The following JMJD1C variants were observed in gnomAD, a reference collection of about 807,000 sequenced individuals.
JMJD1C encodes the protein jumonji domain containing 1C.
A neutral mutation model predicts 245.3 loss-of-function variants in JMJD1C; 31 were observed. The observed-to-expected ratio is 0.13, with a 90% CI of 0.09 to 0.17. The LOEUF is 0.17. Ranked by LOEUF, JMJD1C falls within the 10% of genes least tolerant of loss-of-function variation. The pLI, the probability that JMJD1C is intolerant of heterozygous loss-of-function variation, is 1.00. For synonymous variants in JMJD1C, 1,057 were observed against 1,017.4 expected, an observed-to-expected ratio of 1.04 and a Z score of -0.74; for missense variants, 2,691 against 3,000.2, an observed-to-expected ratio of 0.90 and a Z score of 2.41.
intron 2 of JMJD1C, among the ~76,000 whole-genome samples, chr10:63,341,699 A>T (rs1360038629): frequency 2.0e-5 from 3 of 152,210 alleles, no homozygotes; most frequent in Admixed American, 6.5e-5. Flanking sequence ...CCTTCAGCTG[A>T]AATTCTCATT....
chr10:63,427,936 A>G (rs1840470552), intron 1 of JMJD1C: 1 of 710,308 alleles, frequency 1.4e-6, no homozygotes, highest in African/African-American at 1.8e-5. Flanking sequence ...AAGCAGCAGC[A>G]GCAGCAGTTT....
At chr10:63,184,471 T>C in intron 21 of JMJD1C, 137 bp downstream of exon 21, 1 of 687,278 alleles carries the variant, frequency 1.5e-6, no homozygotes, top group Non-Finnish European at 2.3e-6. Flanking sequence ...CTCAATCTCC[T>C]GACCTCGTGA....
intron 1 of JMJD1C, among the ~76,000 whole-genome samples, chr10:63,443,511 A>G (rs552044360): frequency 6.6e-6 from 1 of 152,174 alleles, no homozygotes; most frequent in African/African-American, 2.4e-5. Context: ...GGGTTTTGCT[A>G]TGTTGCCCAG....
Position 63,184,734 on chromosome 10 carries a change from C to T in JMJD1C, c.6835G>A (p.Glu2279Lys), listed in dbSNP as rs1203079978. The change falls in exon 21 of 26, where the codon GAA becomes AAA. Residue 2279 changes from glutamate (E) to lysine (K), a missense_variant. Around this residue, in one of 9 missense-constraint regions of JMJD1C, gnomAD observed 232 missense variants for 416.1 expected, o/e 0.56. Coordinates refer to ENST00000399262, the MANE Select transcript of JMJD1C (RefSeq NM_032776.3). The stretch of plus-strand genomic sequence containing the variant: ...AATGGCAGACTTTTTAAAAGATCTT[C>T]GTATCTGAAGAAAAACAACATTGCC... Reference protein sequence around the residue: ...DFKTMMPARYEDLLKSLPLPE... With the variant: ...DFKTMMPARYKDLLKSLPLPE... 2.5e-6 allele frequency: 4 copies of T among 1,604,390 alleles called. No homozygotes were observed. Among genetic ancestry groups the T allele is most frequent in the South Asian group, 2.3e-5 (2 of 88,850 alleles).
intron 1 of JMJD1C, among the ~76,000 whole-genome samples, chr10:63,513,687 C>T (rs937361756): frequency 6.6e-6 from 1 of 152,042 alleles, no homozygotes; most frequent in South Asian, 2.1e-4. Flanking sequence ...CCGAGACAGG[C>T]GGATCATGAG....
At chr10:63,197,371 A>G (rs771065364) in intron 13 of JMJD1C, 40 bp downstream of exon 13, 10 of 1,540,936 alleles carry the variant, frequency 6.5e-6, no homozygotes, top group Non-Finnish European at 8.8e-6. Flanking sequence ...CTAAAGAAAA[A>G]TTATAAAAAA....
chr10:63,520,505 C>CAAAA (rs34697427), intron 1 of JMJD1C, among the ~76,000 whole-genome samples: 2 of 111,324 alleles, frequency 1.8e-5, no homozygotes, highest in Non-Finnish European at 1.8e-5. Context: ...GGTACTGTCA[C>CAAAA]AAAAAAAAAA....
intron 1 of JMJD1C, among the ~76,000 whole-genome samples, chr10:63,513,166 C>T (rs1030371942): frequency 6.6e-6 from 1 of 152,022 alleles, no homozygotes; most frequent in African/African-American, 2.4e-5. Flanking sequence ...ATACCTACAG[C>T]CATCTAATCT....
At chr10:63,308,233 C>G (rs972785589) in intron 2 of JMJD1C, among the ~76,000 whole-genome samples, 13 of 152,116 alleles carry the variant, frequency 8.5e-5, no homozygotes, top group African/African-American at 3.1e-4. Context: ...CCCGACTCTG[C>G]ACCCAGAATT....
intron 2 of JMJD1C, among the ~76,000 whole-genome samples, chr10:63,316,827 A>C (rs1940129695): frequency 6.6e-6 from 1 of 151,056 alleles, no homozygotes; most frequent in South Asian, 2.1e-4. Flanking sequence ...AGGTATTTAG[A>C]GTATCCACCA....
At chr10:63,438,218 T>C (rs1360513617) in intron 1 of JMJD1C, among the ~76,000 whole-genome samples, 1 of 152,124 alleles carries the variant, frequency 6.6e-6, no homozygotes, top group Non-Finnish European at 1.5e-5. Context: ...CTCCAGTCAA[T>C]TCTCATCTGA....
chr10:63,452,601 A>C (rs1952139020), intron 1 of JMJD1C, among the ~76,000 whole-genome samples: 1 of 152,184 alleles, frequency 6.6e-6, no homozygotes, highest in African/African-American at 2.4e-5. Flanking sequence ...AGGAAGTAAA[A>C]AGCAGGGACT....
At chr10:63,291,602 T>C (rs1450955444) in intron 2 of JMJD1C, among the ~76,000 whole-genome samples, 7 of 122,388 alleles carry the variant, frequency 5.7e-5, no homozygotes, top group Admixed American at 5.1e-4. Context: ...GCAAAAAGAG[T>C]GAAACTCCAT....
chr10:63,513,458 T>C lies in JMJD1C; in HGVS notation n.113+8280A>G, dbSNP rs58450454. Among the ~76,000 whole-genome samples, 642 of 152,172 alleles carry C rather than the reference T, an allele frequency of 4.2e-3. 3 individuals are homozygous for C. Among genetic ancestry groups the C allele is most frequent in the African/African-American group, 0.014 (570 of 41,506 alleles). On this transcript the variant is annotated intron_variant and non_coding_transcript_variant, in intron 1 of 3. Transcript: ENST00000633035. ...CTGCAACAAAAACAAAAATTGACAATTGAGATCTAATTAAACTAAAGAGCT... is the reference window on the plus strand; with the variant it reads ...CTGCAACAAAAACAAAAATTGACAACTGAGATCTAATTAAACTAAAGAGCT...
chr10:63,435,163 C>T (rs535858108), intron 1 of JMJD1C, among the ~76,000 whole-genome samples: 1 of 152,314 alleles, frequency 6.6e-6, no homozygotes, highest in South Asian at 2.1e-4. Flanking sequence ...TTATAACTTG[C>T]ACTCCTTTAC....
chr10:63,316,348 G>T (rs1421135462), intron 2 of JMJD1C, among the ~76,000 whole-genome samples: 2 of 152,282 alleles, frequency 1.3e-5, no homozygotes, highest in East Asian at 3.9e-4. Flanking sequence ...TTTTATACTT[G>T]TCACTGCTTT....
At chr10:63,470,788 T>C (rs1364175764), upstream of JMJD1C, among the ~76,000 whole-genome samples, 1 of 152,182 alleles carries the variant, frequency 6.6e-6, no homozygotes, top group Non-Finnish European at 1.5e-5. Context: ...GCAATCTCTA[T>C]TGGGCCTTCT....
chr10:63,463,025 T>TAACC (rs1310063316), intron 1 of JMJD1C, among the ~76,000 whole-genome samples: 6 of 152,190 alleles, frequency 3.9e-5, no homozygotes, highest in Non-Finnish European at 8.8e-5. Flanking sequence ...TGCCACAGGT[T>TAACC]TGTGGCACAT....
chr10:63,266,056 A>T (rs1442333175), intron 2 of JMJD1C, among the ~76,000 whole-genome samples: 2 of 152,072 alleles, frequency 1.3e-5, no homozygotes, highest in Non-Finnish European at 2.9e-5. Flanking sequence ...ACAATGTTTC[A>T]AAGTTAAAAA....
Sources: gnomAD v4.1 joint callset for allele counts (sites outside exome capture counted in the v4.1 genomes callset) on GRCh38, gnomAD v4.1.1 for gene constraint, gnomAD v4.1.1 regional missense constraint, MANE v1.5 for transcripts, NCBI Gene and HGNC (gene_info 2026-07-23, HGNC 2026-07-21) for gene names.